ZC3H18: variants seen among roughly 807,000 people sequenced by gnomAD.
ZC3H18 encodes zinc finger CCCH domain-containing protein 18.
ZC3H18 carries 8 observed loss-of-function variants against 106.1 expected under a neutral mutation model. That is an observed-to-expected ratio of 0.08 (90% confidence interval 0.04 to 0.14). The LOEUF is 0.14. Among genes scored for constraint, ZC3H18 ranks in the 10% least tolerant of loss-of-function variants. The probability of loss-of-function intolerance (pLI) is 1.00; values close to 1 mark genes in which losing one functional copy is unlikely to be tolerated. For synonymous variants in ZC3H18, 635 were observed against 522.1 expected, an observed-to-expected ratio of 1.22 and a Z score of -2.95; for missense variants, 1,318 against 1,278.4, an observed-to-expected ratio of 1.03 and a Z score of -0.47.
intron 7 of ZC3H18, 34 bp downstream of exon 7, chr16:88,609,085 C>T: frequency 1.3e-6 from 2 of 1,517,438 alleles, no homozygotes; most frequent in Non-Finnish European, 1.8e-6. Flanking sequence ...ATATGAACTT[C>T]ATGATCTGTT....
intron 3 of ZC3H18, among the ~76,000 whole-genome samples, chr16:88,596,506 GGTA>G (rs912826517): frequency 3.3e-5 from 5 of 152,030 alleles, no homozygotes; most frequent in African/African-American, 1.2e-4. Context: ...CTGGCATGGT[GGTA>G]CCCGCCTGTA....
chr16:88,586,801 C>G (rs1161996241), intron 3 of ZC3H18, 117 bp downstream of exon 3: 6 of 658,958 alleles, frequency 9.1e-6, no homozygotes, highest in African/African-American at 1.8e-5. Context: ...CTGGGCATTA[C>G]TGGCTAGGTG....
intron 3 of ZC3H18, among the ~76,000 whole-genome samples, chr16:88,587,902 G>A (rs929887614): frequency 7.2e-5 from 11 of 152,242 alleles, no homozygotes; most frequent in African/African-American, 2.7e-4. Context: ...ACCTGATGAT[G>A]TGGGGCTCAT....
At chr16:88,617,209 T>C (rs1905667447) in intron 8 of ZC3H18, among the ~76,000 whole-genome samples, 1 of 152,214 alleles carries the variant, frequency 6.6e-6, no homozygotes, top group Non-Finnish European at 1.5e-5. Context: ...TGTTTGGCTC[T>C]GGGAGTTACT....
At chr16:88,584,824 A>T (rs1003339149) in intron 2 of ZC3H18, among the ~76,000 whole-genome samples, 4 of 152,204 alleles carry the variant, frequency 2.6e-5, no homozygotes, top group African/African-American at 9.6e-5. Context: ...AAACAATGCT[A>T]CATCTGATCT....
At chr16:88,607,278 C>T (rs983633975) in intron 6 of ZC3H18, among the ~76,000 whole-genome samples, 10 of 152,200 alleles carry the variant, frequency 6.6e-5, no homozygotes, top group African/African-American at 2.4e-4. Flanking sequence ...CTTAATTATA[C>T]AGGCTTTTTA....
Position 88,577,713 on chromosome 16 carries a change from A to C in ZC3H18, c.590A>C (p.Asp197Ala). The C allele has an allele frequency of 1.9e-6, 3 of 1,613,398 alleles. No individual in the cohort carries two copies. The highest frequency in any genetic ancestry group is 1.7e-6 in the Non-Finnish European group (2 of 1,180,032). ...GAGGACGATGATGGAGAAATCGATG[A>C]TGGGGAAATAGACGTGAGTATGATG... is the stretch of plus-strand genomic sequence containing the variant. ...KKEDDDGEIDDGEIDDDDLEE... is the reference protein window; with the variant it reads ...KKEDDDGEIDAGEIDDDDLEE... Residue 197 changes from aspartate to alanine, a missense_variant, in exon 2 of 18, where the codon GAT becomes GCT. Physicochemically the swap from Asp to Ala is moderately radical, Grantham distance 126. Around this residue, in one of 6 missense-constraint regions of ZC3H18, gnomAD observed 346 missense variants for 269.0 expected, o/e 1.29. Coordinates refer to ENST00000301011, the MANE Select transcript of ZC3H18 (RefSeq NM_144604.4).
rs1008972275 is a variant in ZC3H18, at chr16:88,611,118, G to T, written c.1207-150G>T. ...ACCGCAGAGAGTTCAATCATAGTCG[G>T]GAGCACTTGGCGTTTTGTGTGTAGG... On this transcript the variant is annotated intron_variant, in intron 7 of 17. Coordinates refer to ENST00000301011, the MANE Select transcript of ZC3H18 (RefSeq NM_144604.4). 16 of 675,606 alleles carry T rather than the reference G, an allele frequency of 2.4e-5. No homozygotes were observed. In the East Asian group the frequency reaches 4.0e-4, roughly 17 times the overall value. The allele number at this position is 675,606 out of a possible 1,614,324, so 41.9% of individuals were successfully genotyped here.
At chr16:88,598,456 G>T in intron 4 of ZC3H18, 130 bp downstream of exon 4, 1 of 1,483,068 alleles carries the variant, frequency 6.7e-7, no homozygotes. Flanking sequence ...CTGTCGTCCC[G>T]AGTGGAAGCA....
chr16:88,583,446 C>T (rs1189997387), intron 2 of ZC3H18, among the ~76,000 whole-genome samples: 1 of 152,198 alleles, frequency 6.6e-6, no homozygotes, highest in East Asian at 1.9e-4. Flanking sequence ...GGGCACTTGC[C>T]CCGTGGTGCA....
At chr16:88,596,612 C>T (rs977568926) in intron 3 of ZC3H18, among the ~76,000 whole-genome samples, 1 of 152,088 alleles carries the variant, frequency 6.6e-6, no homozygotes, top group East Asian at 1.9e-4. Flanking sequence ...TGCACTCCAG[C>T]CTGGGACTGT....
chr16:88,590,580 T>TTTTTTTTTG (rs1597330318), intron 3 of ZC3H18, among the ~76,000 whole-genome samples: 1 of 148,778 alleles, frequency 6.7e-6, no homozygotes, highest in Non-Finnish European at 1.5e-5. Flanking sequence ...TTTTTTTTTT[T>TTTTTTTTTG]GAGACAGTGT....
chr16:88,606,880 C>G (rs1219157044), intron 6 of ZC3H18, among the ~76,000 whole-genome samples: 1 of 152,202 alleles, frequency 6.6e-6, no homozygotes, highest in Non-Finnish European at 1.5e-5. Flanking sequence ...CGTAGCCACC[C>G]ATCGCTGGAG....
intron 1 of ZC3H18, among the ~76,000 whole-genome samples, chr16:88,574,328 G>A (rs1175659392): frequency 2.0e-5 from 3 of 152,024 alleles, no homozygotes; most frequent in South Asian, 2.1e-4. Flanking sequence ...TCTCGTCTCA[G>A]CCTCCCAAGT....
At chr16:88,589,693 A>G (rs535764245) in intron 3 of ZC3H18, among the ~76,000 whole-genome samples, 1 of 152,166 alleles carries the variant, frequency 6.6e-6, no homozygotes, top group South Asian at 2.1e-4. Flanking sequence ...ATTGTGACTC[A>G]TGCCACAATG....
chr16:88,622,926 G>A (rs980101026), intron 9 of ZC3H18: 17 of 442,272 alleles, frequency 3.8e-5, no homozygotes, highest in East Asian at 3.3e-4. Flanking sequence ...ACGGACCCAC[G>A]TGAGCTGGGT....
At chr16:88,601,522 T>G in intron 6 of ZC3H18, among the ~76,000 whole-genome samples, 1 of 151,662 alleles carries the variant, frequency 6.6e-6, no homozygotes, top group East Asian at 1.9e-4. Context: ...TTTTTTGGAG[T>G]GCCCTCTGTG....
rs1180172401 is a variant in ZC3H18, at chr16:88,609,800, C to T, written c.1206+749C>T. ...ATTTTTAGTAGAGACAGGGTTTTGC[C>T]GTGTTGGTCAGGCTGGTCTCAAACT... is the stretch of plus-strand genomic sequence containing the variant. On this transcript the variant is annotated intron_variant, in intron 7 of 17. Transcript: ENST00000301011. Among the ~76,000 whole-genome samples the T allele has an allele frequency of 7.1e-5, 10 of 140,698 alleles. 1 individual carries two copies. Among genetic ancestry groups the T allele is most frequent in the African/African-American group, 2.5e-5 (1 of 39,650 alleles). 92.3% of individuals were successfully genotyped at this position (140,698 alleles called of 152,430 possible).
chr16:88,592,802 G>A (rs185054596), intron 3 of ZC3H18, among the ~76,000 whole-genome samples: 9 of 152,312 alleles, frequency 5.9e-5, no homozygotes, highest in East Asian at 3.9e-4. Context: ...CTGGCATTTC[G>A]AATGCCACTT....
Sources: allele counts gnomAD v4.1 joint callset (sites outside exome capture counted in the v4.1 genomes callset), GRCh38; gene constraint gnomAD v4.1.1; regional missense constraint gnomAD v4.1.1; transcripts MANE v1.5; gene names NCBI Gene and HGNC (gene_info 2026-07-23, HGNC 2026-07-21).